Variants in MMP16 observed in about 807,000 individuals in gnomAD.
The protein encoded by MMP16 is matrix metallopeptidase 16, also known as matrix metalloproteinase-16.
A neutral mutation model predicts 67.8 loss-of-function variants in MMP16; 12 were observed. The ratio of observed to expected loss-of-function variants is 0.18; its 90% CI spans 0.11 to 0.29. The LOEUF is 0.29. Among genes scored for constraint, MMP16 ranks in the 10% least tolerant of loss-of-function variants. The pLI, the probability that MMP16 is intolerant of heterozygous loss-of-function variation, is 1.00. For synonymous variants in MMP16, 249 were observed against 255.9 expected, an observed-to-expected ratio of 0.97 and a Z score of 0.26; for missense variants, 475 against 765.7, an observed-to-expected ratio of 0.62 and a Z score of 4.48.
At chr8:88,256,941 A>T (rs1238303707) in intron 1 of MMP16, among the ~76,000 whole-genome samples, 1 of 152,188 alleles carries the variant, frequency 6.6e-6, no homozygotes, top group African/African-American at 2.4e-5. Context: ...CTGTAGATTC[A>T]TTATAATTCT....
chr8:88,138,222 G>T (rs1808155354), intron 4 of MMP16, among the ~76,000 whole-genome samples: 1 of 151,884 alleles, frequency 6.6e-6, no homozygotes. Flanking sequence ...CTCTGAAAAA[G>T]ACTTAAAATT....
Position 88,041,360 on chromosome 8 carries a change from A to T in MMP16, c.*101T>A, listed in dbSNP as rs562172743. On this transcript the variant is annotated 3_prime_UTR_variant, in exon 10 of 10. Transcript: ENST00000286614. This position sits in a 1 kb window ranked among gnomAD's most constrained non-coding sequence, Gnocchi z 6.0. Reference sequence around the variant, plus strand: ...AAGGTCAGCCCCGAATCAGGCTGCCACAAGCCTGCTCCTAGCTAGGAAACA... The same window carrying T: ...AAGGTCAGCCCCGAATCAGGCTGCCTCAAGCCTGCTCCTAGCTAGGAAACA... The T allele has an allele frequency of 7.9e-7, 1 of 1,267,464 alleles. No individual in the cohort carries two copies. The highest frequency in any genetic ancestry group is 1.1e-6 in the Non-Finnish European group (1 of 903,178). The allele number at this position is 1,267,464 out of a possible 1,614,324, so 78.5% of individuals were successfully genotyped here. A position where few individuals can be genotyped will look rare whatever the true frequency, so the allele number is the denominator to read the frequency against.
chr8:88,194,839 T>C (rs561651765), intron 2 of MMP16, among the ~76,000 whole-genome samples: 6 of 152,094 alleles, frequency 3.9e-5, no homozygotes, highest in Non-Finnish European at 8.8e-5. Flanking sequence ...GAACATGGCT[T>C]TGTTCAAATA....
intron 1 of MMP16, among the ~76,000 whole-genome samples, chr8:88,281,214 T>C (rs904629860): frequency 1.1e-4 from 17 of 152,176 alleles, no homozygotes; most frequent in African/African-American, 4.1e-4. Flanking sequence ...AAACAAATTA[T>C]ATAGATAAGG....
At chr8:88,193,517 A>AGT (rs1809202662) in intron 2 of MMP16, among the ~76,000 whole-genome samples, 1 of 152,122 alleles carries the variant, frequency 6.6e-6, no homozygotes, top group Non-Finnish European at 1.5e-5. Context: ...AATAAGAGAT[A>AGT]GTAGTAAATA....
intron 6 of MMP16, among the ~76,000 whole-genome samples, chr8:88,087,330 A>C (rs1808850354): frequency 6.6e-6 from 1 of 151,770 alleles, no homozygotes; most frequent in South Asian, 2.1e-4. Context: ...GGGGATACTT[A>C]CTTTAAACTA....
chr8:88,314,407 C>A (rs1017535196), intron 1 of MMP16, among the ~76,000 whole-genome samples: 2 of 152,178 alleles, frequency 1.3e-5, no homozygotes, highest in Non-Finnish European at 2.9e-5. Context: ...GTATGCCTGA[C>A]AATTTTTTAT....
chr8:88,199,788 T>C (rs1052657284), intron 1 of MMP16, among the ~76,000 whole-genome samples: 8 of 152,016 alleles, frequency 5.3e-5, no homozygotes, highest in African/African-American at 1.7e-4. Context: ...CCTCGTATGT[T>C]TTTATTTGAA....
At chr8:88,264,687 C>A (rs1810446688) in intron 1 of MMP16, among the ~76,000 whole-genome samples, 1 of 152,180 alleles carries the variant, frequency 6.6e-6, no homozygotes, top group Non-Finnish European at 1.5e-5. Flanking sequence ...ATGGCCAGGA[C>A]TGCTATGCTC....
At chr8:88,252,338 C>T (rs1197354373) in intron 1 of MMP16, among the ~76,000 whole-genome samples, 1 of 152,072 alleles carries the variant, frequency 6.6e-6, no homozygotes, top group Non-Finnish European at 1.5e-5. Flanking sequence ...GGTTCTAGCT[C>T]ATCATGCTCA....
chr8:88,157,489 A>C (rs1001213376), intron 4 of MMP16, among the ~76,000 whole-genome samples: 10 of 151,926 alleles, frequency 6.6e-5, no homozygotes, highest in African/African-American at 2.4e-4. Flanking sequence ...AAATTTATCA[A>C]CTGCTGCCTG....
chr8:88,150,816 A>G (rs1314309810), intron 4 of MMP16, among the ~76,000 whole-genome samples: 2 of 151,102 alleles, frequency 1.3e-5, no homozygotes, highest in East Asian at 3.9e-4. Flanking sequence ...AACGAGCAAA[A>G]TCACCAGCTA....
chr8:88,265,220 T>C (rs1336549509), intron 1 of MMP16, among the ~76,000 whole-genome samples: 2 of 124,248 alleles, frequency 1.6e-5, no homozygotes, highest in East Asian at 5.0e-4. Context: ...AAATGACCAT[T>C]TCCTTTTTTT....
intron 1 of MMP16, among the ~76,000 whole-genome samples, chr8:88,301,457 A>C (rs1811097931): frequency 6.6e-6 from 1 of 152,180 alleles, no homozygotes. Flanking sequence ...CACAAAGCTT[A>C]AAAATAAGAT....
chr8:88,275,066 C>T (rs1162396025), intron 1 of MMP16, among the ~76,000 whole-genome samples: 1 of 151,910 alleles, frequency 6.6e-6, no homozygotes, highest in East Asian at 1.9e-4. Flanking sequence ...AATAAAAAGT[C>T]ACCATAGTTA....
At chr8:88,128,608 C>T (rs1807974665) in intron 4 of MMP16, among the ~76,000 whole-genome samples, 1 of 151,718 alleles carries the variant, frequency 6.6e-6, no homozygotes, top group African/African-American at 2.4e-5. Flanking sequence ...GATTTGGGAG[C>T]CATTCTTTGG....
intron 1 of MMP16, among the ~76,000 whole-genome samples, chr8:88,249,240 CAG>C (rs1283926314): frequency 6.6e-6 from 1 of 151,696 alleles, no homozygotes; most frequent in African/African-American, 2.4e-5. Context: ...CTGATGGAAA[CAG>C]AGGGAAGTTT....
chr8:88,168,205 T>C (rs1199737179), intron 3 of MMP16, among the ~76,000 whole-genome samples: 2 of 152,158 alleles, frequency 1.3e-5, no homozygotes, highest in Admixed American at 6.6e-5. Flanking sequence ...CTCTGTAGAA[T>C]GGTTAACAGT....
intron 1 of MMP16, among the ~76,000 whole-genome samples, chr8:88,300,833 T>A (rs1270041592): frequency 6.6e-6 from 1 of 152,074 alleles, no homozygotes; most frequent in African/African-American, 2.4e-5. Context: ...CCCTTTTTTT[T>A]TAAGAGCCTG....
Sources: allele counts gnomAD v4.1 joint callset (sites outside exome capture counted in the v4.1 genomes callset), GRCh38; gene constraint gnomAD v4.1.1; non-coding constraint Gnocchi (gnomAD v3.1); transcripts MANE v1.5; gene names NCBI Gene and HGNC (gene_info 2026-07-23, HGNC 2026-07-21).